Variants in ABTB3 observed in about 807,000 individuals in gnomAD.
ABTB3 encodes ankyrin repeat- and BTB/POZ domain-containing protein 3.
At chr12:107,331,233 T>G in the ABTB3 span, among the ~76,000 whole-genome samples, 2 of 152,200 alleles carry the variant, frequency 1.3e-5, no homozygotes, top group Admixed American at 1.3e-4. Context: ...CTCAGCCCCT[T>G]TCAGCCTTCT....
At chr12:107,508,438 CT>C in the ABTB3 span, among the ~76,000 whole-genome samples, 237 of 69,094 alleles carry the variant, frequency 3.4e-3, 2 homozygotes, top group African/African-American at 8.8e-3. Context: ...AAGATCATTT[CT>C]TTTTTTTTTT....
chr12:107,444,380 C>T, the ABTB3 span, among the ~76,000 whole-genome samples: 19 of 152,156 alleles, frequency 1.2e-4, no homozygotes, highest in Admixed American at 2.6e-4. Flanking sequence ...CTGGCTAGGC[C>T]TGTTAGGGAC....
At chr12:107,486,716 C>G in the ABTB3 span, 4 of 146,044 alleles carry the variant, frequency 2.7e-5, no homozygotes, top group Non-Finnish European at 5.9e-5. Flanking sequence ...CTCGGGACCT[C>G]CAAGGGGCTC....
the ABTB3 span, among the ~76,000 whole-genome samples, chr12:107,555,115 G>A: frequency 6.6e-5 from 10 of 152,176 alleles, no homozygotes; most frequent in Non-Finnish European, 1.3e-4. Flanking sequence ...ATAGCTTCGA[G>A]CATCCCAATT....
chr12:107,455,624 T>G, the ABTB3 span, among the ~76,000 whole-genome samples: 2 of 152,166 alleles, frequency 1.3e-5, no homozygotes, highest in Non-Finnish European at 2.9e-5. Flanking sequence ...AATAAGCATT[T>G]ATTAGTAGTA....
At chr12:107,324,680 C>G in the ABTB3 span, among the ~76,000 whole-genome samples, 1 of 151,672 alleles carries the variant, frequency 6.6e-6, no homozygotes, top group African/African-American at 2.4e-5. Context: ...TAATGGTAAA[C>G]CTAGTATTTG....
the ABTB3 span, among the ~76,000 whole-genome samples, chr12:107,455,646 A>G: frequency 1.3e-5 from 2 of 152,196 alleles, no homozygotes; most frequent in African/African-American, 4.8e-5. Flanking sequence ...TCACAAGTCC[A>G]GGGGATAGCT....
At chr12:107,583,240 A>C in the ABTB3 span, among the ~76,000 whole-genome samples, 1 of 152,230 alleles carries the variant, frequency 6.6e-6, no homozygotes, top group Non-Finnish European at 1.5e-5. Flanking sequence ...TAAAGCGGTC[A>C]TTTTTAACTA....
the ABTB3 span, among the ~76,000 whole-genome samples, chr12:107,602,026 A>G: frequency 6.6e-6 from 1 of 152,024 alleles, no homozygotes; most frequent in Non-Finnish European, 1.5e-5. Flanking sequence ...CTGGAGTAAA[A>G]CTCTCAGGGA....
chr12:107,618,503 C>T, the ABTB3 span: 1 of 816,892 alleles, frequency 1.2e-6, no homozygotes. Context: ...CACACGTGCA[C>T]ACACACACAA....
At chr12:107,362,613 T>A in the ABTB3 span, among the ~76,000 whole-genome samples, 1 of 152,122 alleles carries the variant, frequency 6.6e-6, no homozygotes, top group Non-Finnish European at 1.5e-5. Flanking sequence ...GGCAACATAG[T>A]GAGACCCAGT....
the ABTB3 span, among the ~76,000 whole-genome samples, chr12:107,456,192 A>C: frequency 6.6e-6 from 1 of 152,218 alleles, no homozygotes; most frequent in African/African-American, 2.4e-5. Context: ...TTACTGTTTT[A>C]TCCCCATTTC....
chr12:107,568,522 G>A, the ABTB3 span, among the ~76,000 whole-genome samples: 1 of 152,088 alleles, frequency 6.6e-6, no homozygotes, highest in South Asian at 2.1e-4. Context: ...AACACATGTG[G>A]CTATTTAAAG....
chr12:107,493,856 C>G, the ABTB3 span, among the ~76,000 whole-genome samples: 3 of 152,198 alleles, frequency 2.0e-5, no homozygotes, highest in South Asian at 2.1e-4. Context: ...ACCCTAGGAG[C>G]TGGCAGAGAA....
At chr12:107,512,579 T>C in the ABTB3 span, among the ~76,000 whole-genome samples, 1 of 152,200 alleles carries the variant, frequency 6.6e-6, no homozygotes, top group Non-Finnish European at 1.5e-5. Context: ...TCCAGCTGTC[T>C]ATGTATGACC....
chr12:107,387,337 T>G, the ABTB3 span, among the ~76,000 whole-genome samples: 8 of 152,334 alleles, frequency 5.3e-5, 1 homozygote, highest in South Asian at 1.4e-3. Context: ...AGCCTGCTCC[T>G]GCGGGTAAGT....
chr12:107,365,375 G>A, the ABTB3 span, among the ~76,000 whole-genome samples: 1 of 152,074 alleles, frequency 6.6e-6, no homozygotes, highest in Non-Finnish European at 1.5e-5. Flanking sequence ...AGTTTTGGGG[G>A]ATATGAAGGA....
the ABTB3 span, chr12:107,610,299 G>A: frequency 6.2e-7 from 1 of 1,614,160 alleles, no homozygotes; most frequent in East Asian, 2.2e-5. Flanking sequence ...AACAGACCTG[G>A]TGAAGCAGGC....
At chr12:107,404,779 C>A in the ABTB3 span, among the ~76,000 whole-genome samples, 1 of 152,136 alleles carries the variant, frequency 6.6e-6, no homozygotes, top group African/African-American at 2.4e-5. Flanking sequence ...CTGGCTGAGG[C>A]GGCCCCAATC....
Sources: gnomAD v4.1 joint callset for allele counts (sites outside exome capture counted in the v4.1 genomes callset) on GRCh38, gnomAD v4.1.1 for gene constraint, MANE v1.5 for transcripts, NCBI Gene and HGNC (gene_info 2026-07-23, HGNC 2026-07-21) for gene names.